Variants in SORCS1 observed in about 807,000 individuals in gnomAD.
The protein encoded by SORCS1 is sortilin related VPS10 domain containing receptor 1, also known as VPS10 domain-containing receptor SorCS1.
A neutral mutation model predicts 146.1 loss-of-function variants in SORCS1; 60 were observed. The ratio of observed to expected loss-of-function variants is 0.41; its 90% CI spans 0.33 to 0.51. The LOEUF (loss-of-function observed/expected upper bound fraction) is 0.51, where lower values mean the gene tolerates loss of function less well. SORCS1 is among the 20% of genes least tolerant of loss of function. The pLI is 0.21. For missense variants in SORCS1, 1,352 were observed against 1,487.6 expected (o/e 0.91, Z 1.50); for synonymous variants, 637 against 584.0 (o/e 1.09, Z -1.31).
chr10:106,707,292 G>A (rs1351458232), intron 7 of SORCS1, among the ~76,000 whole-genome samples: 1 of 151,440 alleles, frequency 6.6e-6, no homozygotes, highest in Non-Finnish European at 1.5e-5. Flanking sequence ...AGGTTCAAGT[G>A]ATTCTCCTGC....
intron 1 of SORCS1, among the ~76,000 whole-genome samples, chr10:107,124,557 T>C (rs1285975730): frequency 6.6e-6 from 1 of 152,096 alleles, no homozygotes; most frequent in Non-Finnish European, 1.5e-5. Flanking sequence ...AACGAACCAT[T>C]AATGGCATCA....
chr10:107,029,648 G>A (rs1412915569), intron 1 of SORCS1, among the ~76,000 whole-genome samples: 1 of 152,110 alleles, frequency 6.6e-6, no homozygotes, highest in African/African-American at 2.4e-5. Context: ...GTAAGAATTA[G>A]GTACTCTAGA....
intron 2 of SORCS1, among the ~76,000 whole-genome samples, chr10:106,911,948 TA>T (rs533851790): frequency 6.0e-4 from 91 of 151,778 alleles, no homozygotes; most frequent in Admixed American, 1.4e-3. Context: ...CCGTCTCTAC[TA>T]AAAAATACAA....
intron 1 of SORCS1, among the ~76,000 whole-genome samples, chr10:107,113,319 T>A (rs916249926): frequency 6.6e-6 from 1 of 151,998 alleles, no homozygotes; most frequent in East Asian, 1.9e-4. Context: ...GAAAATAAAA[T>A]ACAACATACC....
chr10:107,086,206 T>G (rs948423966), intron 1 of SORCS1, among the ~76,000 whole-genome samples: 9 of 152,176 alleles, frequency 5.9e-5, no homozygotes, highest in Non-Finnish European at 1.3e-4. Context: ...TAATCCATTG[T>G]ATATTATAGT....
chr10:107,010,431 A>ATTTTT (rs113241978), intron 1 of SORCS1, among the ~76,000 whole-genome samples: 63 of 87,956 alleles, frequency 7.2e-4, no homozygotes, highest in African/African-American at 1.5e-3. Context: ...GCATAACTTT[A>ATTTTT]TTTTTTTTGT....
At chr10:106,773,530 G>A (rs1486330902) in intron 4 of SORCS1, among the ~76,000 whole-genome samples, 1 of 152,206 alleles carries the variant, frequency 6.6e-6, no homozygotes, top group African/African-American at 2.4e-5. Context: ...CCTACTTGTA[G>A]AGCTGGCTAT....
chr10:106,754,280 C>A (rs1858474506), intron 5 of SORCS1, among the ~76,000 whole-genome samples: 2 of 152,086 alleles, frequency 1.3e-5, no homozygotes, highest in Admixed American at 1.3e-4. Context: ...CTTCTAGAGG[C>A]CACTGCAAAG....
In SORCS1 at chr10:106,978,711, T is replaced by A. The variant is rs191746855; in HGVS notation, c.559-22131A>T. 6.2e-3 allele frequency among the ~76,000 whole-genome samples: 935 copies of A among 150,142 alleles called. 9 individuals carry two copies. The highest frequency in any genetic ancestry group is 0.021 in the Middle Eastern group (6 of 288). On this transcript the variant is annotated intron_variant, in intron 1 of 25. Transcript: ENST00000263054. The stretch of plus-strand genomic sequence containing the variant: ...TACTCAGGAGGCTGAGGCAGGAGAA[T>A]CCCTTGAACCCAGGAGGCGGAGGTA...
intron 1 of SORCS1, among the ~76,000 whole-genome samples, chr10:107,080,861 C>T (rs1963277323): frequency 1.3e-5 from 2 of 152,140 alleles, no homozygotes; most frequent in Admixed American, 6.6e-5. Flanking sequence ...CTTTTGTTAC[C>T]AGAGTGTCAG....
chr10:106,867,715 G>A (rs1345080676), intron 2 of SORCS1, among the ~76,000 whole-genome samples: 1 of 152,132 alleles, frequency 6.6e-6, no homozygotes, highest in Non-Finnish European at 1.5e-5. Context: ...GGAACACTAA[G>A]TATAGAAAGG....
intron 1 of SORCS1, among the ~76,000 whole-genome samples, chr10:107,116,615 C>T (rs1386626895): frequency 6.6e-6 from 1 of 152,056 alleles, no homozygotes; most frequent in East Asian, 1.9e-4. Flanking sequence ...TAGAATCACA[C>T]TCATAGAAAC....
At chr10:106,860,061 T>G (rs779345108) in intron 2 of SORCS1, among the ~76,000 whole-genome samples, 2 of 152,220 alleles carry the variant, frequency 1.3e-5, no homozygotes, top group African/African-American at 4.8e-5. Context: ...GCAAGAAAAC[T>G]TCAGGGCTTC....
At chr10:106,993,150 A>C (rs538542152) in intron 1 of SORCS1, among the ~76,000 whole-genome samples, 9 of 151,484 alleles carry the variant, frequency 5.9e-5, no homozygotes, top group African/African-American at 1.9e-4. Context: ...AATTTCTTAC[A>C]GGGCTTTCAT....
chr10:106,937,708 A>T (rs1953814131), intron 2 of SORCS1, among the ~76,000 whole-genome samples: 1 of 152,128 alleles, frequency 6.6e-6, no homozygotes, highest in Non-Finnish European at 1.5e-5. Context: ...TCATGCCTGT[A>T]ATCCCAGCAC....
At chr10:106,911,122 C>T (rs909621466) in intron 2 of SORCS1, among the ~76,000 whole-genome samples, 5 of 152,228 alleles carry the variant, frequency 3.3e-5, no homozygotes, top group Admixed American at 3.3e-4. Flanking sequence ...GAAGAAAATG[C>T]AAGTCAAAGT....
chr10:106,669,767 T>C (rs1355877021), intron 16 of SORCS1, among the ~76,000 whole-genome samples: 3 of 152,202 alleles, frequency 2.0e-5, no homozygotes, highest in Non-Finnish European at 4.4e-5. Context: ...CCCAAAGAGA[T>C]ACTTCATTCG....
chr10:106,944,158 T>C (rs551518186), intron 2 of SORCS1, among the ~76,000 whole-genome samples: 1 of 152,336 alleles, frequency 6.6e-6, no homozygotes, highest in African/African-American at 2.4e-5. Flanking sequence ...GCCAGGTGAA[T>C]CCATAACATG....
At chr10:106,760,624 G>A (rs188293151) in intron 5 of SORCS1, among the ~76,000 whole-genome samples, 6 of 151,750 alleles carry the variant, frequency 4.0e-5, no homozygotes, top group Admixed American at 6.6e-5. Flanking sequence ...ATAAATATCC[G>A]TTGTTTAAGC....
Sources: gnomAD v4.1 joint callset for allele counts (sites outside exome capture counted in the v4.1 genomes callset) on GRCh38, gnomAD v4.1.1 for gene constraint, MANE v1.5 for transcripts, NCBI Gene and HGNC (gene_info 2026-07-23, HGNC 2026-07-21) for gene names.